The following HCN1 variants were observed in gnomAD, a reference collection of about 807,000 sequenced individuals.
The protein encoded by HCN1 is hyperpolarization activated cyclic nucleotide gated potassium channel 1.
HCN1 carries 13 observed loss-of-function variants against 78.9 expected under a neutral mutation model. The observed-to-expected ratio is 0.16, with a 90% CI of 0.11 to 0.26. The LOEUF (loss-of-function observed/expected upper bound fraction) is 0.26, where lower values mean the gene tolerates loss of function less well. Ranked by LOEUF, HCN1 falls within the 10% of genes least tolerant of loss-of-function variation. HCN1 has a pLI of 1.00. For synonymous variants in HCN1, 552 were observed against 455.5 expected, an observed-to-expected ratio of 1.21 and a Z score of -2.70; for missense variants, 810 against 1,154.3, an observed-to-expected ratio of 0.70 and a Z score of 4.32.
chr5:45,321,266 G>C (rs868602837), intron 5 of HCN1, among the ~76,000 whole-genome samples: 2 of 151,846 alleles, frequency 1.3e-5, no homozygotes, highest in Non-Finnish European at 2.9e-5. Flanking sequence ...TTTTGAGCTA[G>C]GTAGTTCGCA....
At chr5:45,511,510 C>T (rs557347564) in intron 2 of HCN1, among the ~76,000 whole-genome samples, 14 of 152,114 alleles carry the variant, frequency 9.2e-5, no homozygotes, top group African/African-American at 3.1e-4. Context: ...AGAATGTACC[C>T]TTGATATGAA....
intron 1 of HCN1, among the ~76,000 whole-genome samples, chr5:45,648,691 C>A (rs1445992659): frequency 6.6e-6 from 1 of 152,052 alleles, no homozygotes; most frequent in Non-Finnish European, 1.5e-5. Flanking sequence ...CTCAAAATTT[C>A]TCTTAGATAC....
intron 6 of HCN1, among the ~76,000 whole-genome samples, chr5:45,303,384 T>C (rs184606403): frequency 2.6e-4 from 39 of 152,014 alleles, no homozygotes; most frequent in African/African-American, 9.2e-4. Context: ...GATAAAGAGG[T>C]TGAAATAATA....
intron 2 of HCN1, among the ~76,000 whole-genome samples, chr5:45,513,651 C>T (rs77249609): frequency 0.083 from 12,698 of 152,204 alleles, 707 homozygotes; most frequent in Middle Eastern, 0.13. Flanking sequence ...TTGTGAACTG[C>T]ACTTGCAAGG....
At chr5:45,451,754 A>C (rs1277387344) in intron 3 of HCN1, among the ~76,000 whole-genome samples, 1 of 152,008 alleles carries the variant, frequency 6.6e-6, no homozygotes, top group East Asian at 1.9e-4. Context: ...AAGGCCAAAA[A>C]CATAGTTTCT....
intron 4 of HCN1, among the ~76,000 whole-genome samples, chr5:45,372,227 A>C (rs1327203911): frequency 4.0e-5 from 3 of 74,340 alleles, no homozygotes; most frequent in African/African-American, 1.9e-4. Context: ...TAATATATAT[A>C]ATATATATTA....
At chr5:45,568,412 A>C (rs1389808810) in intron 2 of HCN1, among the ~76,000 whole-genome samples, 1 of 152,114 alleles carries the variant, frequency 6.6e-6, no homozygotes, top group Non-Finnish European at 1.5e-5. Flanking sequence ...ATTTGAAAAA[A>C]AAAGCATAAT....
intron 2 of HCN1, among the ~76,000 whole-genome samples, chr5:45,548,084 T>A (rs1303275420): frequency 6.6e-6 from 1 of 151,934 alleles, no homozygotes; most frequent in Non-Finnish European, 1.5e-5. Context: ...TAAAATATCA[T>A]AAGCCTCTAC....
intron 7 of HCN1, among the ~76,000 whole-genome samples, chr5:45,264,702 A>C (rs1434795332): frequency 6.6e-6 from 1 of 152,202 alleles, no homozygotes; most frequent in Non-Finnish European, 1.5e-5. Flanking sequence ...AAAACCGAGA[A>C]GCATAATGTT....
At chr5:45,555,539 A>T (rs1743451926) in intron 2 of HCN1, among the ~76,000 whole-genome samples, 1 of 151,932 alleles carries the variant, frequency 6.6e-6, no homozygotes, top group African/African-American at 2.4e-5. Flanking sequence ...GCTAGAAAAA[A>T]ATTCTAAAAT....
At chr5:45,657,439 C>G (rs998438963) in intron 1 of HCN1, among the ~76,000 whole-genome samples, 1 of 152,090 alleles carries the variant, frequency 6.6e-6, no homozygotes, top group African/African-American at 2.4e-5. Context: ...TGATGTTGCT[C>G]AATAGATAAC....
intron 3 of HCN1, among the ~76,000 whole-genome samples, chr5:45,454,504 A>T (rs1454460576): frequency 6.6e-6 from 1 of 151,870 alleles, no homozygotes; most frequent in Non-Finnish European, 1.5e-5. Flanking sequence ...AAAAAATAAA[A>T]AAAAATAAAA....
chr5:45,380,683 A>T lies in HCN1; in HGVS notation c.1230+15809T>A, dbSNP rs1747791201. Among the ~76,000 whole-genome samples, 5 of 152,254 alleles carry T rather than the reference A, an allele frequency of 3.3e-5. No individual in the cohort carries two copies. In the South Asian group the frequency reaches 1.0e-3, roughly 32 times the overall value. On this transcript the variant is annotated intron_variant, in intron 4 of 7. Transcript: ENST00000303230. ...GCCATGACACCTAATAAGACTCCTA[A>T]TAAGAATTCTTTGTACATTTTGTGC...
At chr5:45,549,289 C>T (rs1003012633) in intron 2 of HCN1, among the ~76,000 whole-genome samples, 5 of 151,970 alleles carry the variant, frequency 3.3e-5, no homozygotes, top group African/African-American at 1.2e-4. Flanking sequence ...GTACTGGTAC[C>T]AAAACAGAGA....
chr5:45,541,493 A>C (rs1743106853), intron 2 of HCN1, among the ~76,000 whole-genome samples: 1 of 152,152 alleles, frequency 6.6e-6, no homozygotes, highest in Admixed American at 6.6e-5. Flanking sequence ...GGTTAAGTTA[A>C]ATTGCTGTGT....
intron 3 of HCN1, among the ~76,000 whole-genome samples, chr5:45,403,102 T>A (rs76804284): frequency 0.03 from 4,601 of 152,144 alleles, 271 homozygotes; most frequent in African/African-American, 0.1. Context: ...GGCATAAGGA[T>A]CTTCTCTGTT....
chr5:45,568,701 T>C (rs1408897943), intron 2 of HCN1, among the ~76,000 whole-genome samples: 1 of 152,154 alleles, frequency 6.6e-6, no homozygotes, highest in Non-Finnish European at 1.5e-5. Context: ...AAGTGTGCTT[T>C]AAAATCTTAG....
intron 1 of HCN1, among the ~76,000 whole-genome samples, chr5:45,674,144 T>C (rs1746218297): frequency 6.6e-6 from 1 of 151,164 alleles, no homozygotes; most frequent in Non-Finnish European, 1.5e-5. Context: ...TATATATGTA[T>C]ATATATAGAT....
intron 6 of HCN1, among the ~76,000 whole-genome samples, chr5:45,296,329 A>G (rs1049986385): frequency 1.5e-4 from 23 of 151,972 alleles, no homozygotes; most frequent in Admixed American, 7.9e-4. Flanking sequence ...CCAACAATAG[A>G]AAGACAGATA....
Sources: gnomAD v4.1 joint callset for allele counts (sites outside exome capture counted in the v4.1 genomes callset) on GRCh38, gnomAD v4.1.1 for gene constraint, MANE v1.5 for transcripts, NCBI Gene and HGNC (gene_info 2026-07-23, HGNC 2026-07-21) for gene names.